ANK2: variants seen among roughly 807,000 people sequenced by gnomAD.
The protein encoded by ANK2 is ankyrin 2.
A neutral mutation model predicts 360.5 loss-of-function variants in ANK2; 83 were observed. That is an observed-to-expected ratio of 0.23 (90% CI 0.19 to 0.28). ANK2 has a LOEUF of 0.28. Ranked by LOEUF, ANK2 falls within the 10% of genes least tolerant of loss-of-function variation. The pLI, the probability that ANK2 is intolerant of heterozygous loss-of-function variation, is 1.00. For synonymous variants in ANK2, 1,740 were observed against 1,759.5 expected (o/e 0.99, Z 0.28); for missense variants, 4,201 against 4,795.7 (o/e 0.88, Z 3.66).
chr4:113,059,196 A>G (rs2071794001), intron 1 of ANK2, among the ~76,000 whole-genome samples: 1 of 152,188 alleles, frequency 6.6e-6, no homozygotes, highest in African/African-American at 2.4e-5. Flanking sequence ...GGAAGACACA[A>G]ACATTCAGAT....
the ANK2 span, among the ~76,000 whole-genome samples, chr4:112,742,216 A>C: frequency 6.6e-6 from 1 of 152,146 alleles, no homozygotes; most frequent in African/African-American, 2.4e-5. Context: ...CAGGAGGTCA[A>C]GCAGTTCACT....
At chr4:112,734,468 G>A in the ANK2 span, among the ~76,000 whole-genome samples, 1 of 152,194 alleles carries the variant, frequency 6.6e-6, no homozygotes, top group Non-Finnish European at 1.5e-5. Flanking sequence ...GTCATTAATA[G>A]TCAAAAACTA....
Position 113,249,746 on chromosome 4 carries a change from C to A in ANK2, c.892-18C>A, listed in dbSNP as rs765084633. 5.6e-6 allele frequency: 9 copies of A among 1,612,952 alleles called. No individual in the cohort carries two copies. The African/African-American group carries it at 1.1e-4, about 19-fold the overall frequency. On this transcript the variant is annotated intron_variant, in intron 9 of 45. Transcript: ENST00000357077. ...TTTTGAAGTGAACTTGGGCCTAATT[C>A]TTTAATTCTTTTGGCAGGATGGGTT...
chr4:113,024,952 A>G (rs1304612778), intron 2 of ANK2, among the ~76,000 whole-genome samples: 6 of 152,146 alleles, frequency 3.9e-5, no homozygotes, highest in Non-Finnish European at 8.8e-5. Context: ...ATTTTTTAAT[A>G]TAATATTTCA....
chr4:113,258,259 C>G, intron 12 of ANK2, 54 bp from the exon 13 acceptor site: 1 of 1,590,734 alleles, frequency 6.3e-7, no homozygotes, highest in Non-Finnish European at 8.6e-7. Flanking sequence ...TCTGAAGAAG[C>G]CCCAAAGCCC....
At chr4:112,992,268 C>T (rs926069120) in intron 2 of ANK2, among the ~76,000 whole-genome samples, 2 of 152,008 alleles carry the variant, frequency 1.3e-5, no homozygotes, top group African/African-American at 4.8e-5. Context: ...CTCAGTTTCC[C>T]AAGTAGCTGG....
At chr4:113,288,756 C>T (rs2066022263) in intron 20 of ANK2, among the ~76,000 whole-genome samples, 1 of 152,124 alleles carries the variant, frequency 6.6e-6, no homozygotes, top group African/African-American at 2.4e-5. Flanking sequence ...CAATAGATGC[C>T]GGCTAGAACA....
chr4:113,015,353 A>C (rs2056316708), intron 2 of ANK2, among the ~76,000 whole-genome samples: 2 of 152,200 alleles, frequency 1.3e-5, no homozygotes, highest in African/African-American at 4.8e-5. Flanking sequence ...GCACTAACCT[A>C]AATAAATAAT....
At chr4:113,177,322 A>C (rs954777011) in intron 2 of ANK2, among the ~76,000 whole-genome samples, 4 of 151,864 alleles carry the variant, frequency 2.6e-5, no homozygotes, top group African/African-American at 7.3e-5. Flanking sequence ...CCTCGTGATC[A>C]GCCCGCCTCG....
intron 24 of ANK2, among the ~76,000 whole-genome samples, chr4:113,314,659 A>T (rs2153828880): frequency 6.6e-6 from 1 of 152,346 alleles, no homozygotes; most frequent in Admixed American, 6.5e-5. Flanking sequence ...GGCTTAAATT[A>T]TTCCAGACCT....
rs759718673 is a variant in ANK2 at position 113,343,149 on chromosome 4, T to C, written c.4248+7T>C. ...ACTTCCTCTATTTGTCAAGGTAATA[T>C]ATACATGGAATTTTGTGATGCATTT... On this transcript the variant is annotated splice_region_variant and intron_variant, in intron 34 of 45. Coordinates refer to ENST00000357077, the MANE Select transcript of ANK2 (RefSeq NM_001148.6). 7 of 1,612,670 alleles carry C rather than the reference T, an allele frequency of 4.3e-6. No individual in the cohort carries two copies. The highest frequency in any genetic ancestry group is 5.9e-6 in the Non-Finnish European group (7 of 1,179,196).
At chr4:113,119,352 T>C (rs2095165021) in intron 1 of ANK2, among the ~76,000 whole-genome samples, 1 of 152,068 alleles carries the variant, frequency 6.6e-6, no homozygotes, top group Non-Finnish European at 1.5e-5. Flanking sequence ...AGCTATATTA[T>C]ATTTATTTTC....
In ANK2 at chr4:113,011,379, G is replaced by T. The variant is rs546071279; in HGVS notation, c.21+106865G>T. Among the ~76,000 whole-genome samples the T allele has an allele frequency of 7.2e-5, 11 of 152,124 alleles. No homozygotes were observed. In the South Asian group the frequency reaches 2.3e-3, roughly 32 times the overall value. ...GGCCTGAGAATTAAACTGACTTAAG[G>T]CAGATTAACAGGAGAAAAGCATACA... On this transcript the variant is annotated intron_variant, in intron 2 of 30. Coordinates refer to the ANK2 transcript ENST00000503271.
chr4:113,048,800 G>GT (rs563948535), upstream of ANK2, among the ~76,000 whole-genome samples: 567 of 152,026 alleles, frequency 3.7e-3, 8 homozygotes, highest in African/African-American at 0.013. Context: ...AACTCCATTA[G>GT]TTTTTTATGT....
chr4:113,181,298 ACT>A (rs1190272533), intron 2 of ANK2, among the ~76,000 whole-genome samples: 1 of 151,888 alleles, frequency 6.6e-6, no homozygotes, highest in Non-Finnish European at 1.5e-5. Context: ...TCTCTTGAAC[ACT>A]CTCTTTCTAT....
chr4:113,121,673 A>G (rs2095365746), intron 1 of ANK2, among the ~76,000 whole-genome samples: 1 of 152,168 alleles, frequency 6.6e-6, no homozygotes, highest in Admixed American at 6.5e-5. Flanking sequence ...TTGCAAATCT[A>G]CTTTTATTAA....
intron 1 of ANK2, among the ~76,000 whole-genome samples, chr4:112,833,384 A>G (rs2060232732): frequency 6.6e-6 from 1 of 152,246 alleles, no homozygotes; most frequent in African/African-American, 2.4e-5. Flanking sequence ...TAAATCTGAT[A>G]GGTCAAAATT....
chr4:113,316,842 A>G (rs1432233149), intron 24 of ANK2, among the ~76,000 whole-genome samples: 3 of 152,238 alleles, frequency 2.0e-5, no homozygotes, highest in Non-Finnish European at 4.4e-5. Flanking sequence ...TTTTTCAAAA[A>G]TGTAATGCAT....
At chr4:113,102,582 G>A (rs1031316436) in intron 1 of ANK2, among the ~76,000 whole-genome samples, 4 of 152,130 alleles carry the variant, frequency 2.6e-5, no homozygotes, top group African/African-American at 9.7e-5. Context: ...AAAGAAAACT[G>A]AAGCAAAGCA....
Sources: gnomAD v4.1 joint callset for allele counts (sites outside exome capture counted in the v4.1 genomes callset) on GRCh38, gnomAD v4.1.1 for gene constraint, MANE v1.5 for transcripts, NCBI Gene and HGNC (gene_info 2026-07-23, HGNC 2026-07-21) for gene names.